NELL2: variants seen among roughly 807,000 people sequenced by gnomAD.
The protein encoded by NELL2 is protein kinase C-binding protein NELL2.
A neutral mutation model predicts 109.6 loss-of-function variants in NELL2; 41 were observed. The observed-to-expected ratio is 0.37, with a 90% confidence interval of 0.29 to 0.49. NELL2 has a LOEUF of 0.49. Among genes scored for constraint, NELL2 ranks in the 20% least tolerant of loss-of-function variants. The pLI, the probability that NELL2 is intolerant of heterozygous loss-of-function variation, is 0.98. For missense variants in NELL2, 900 were observed against 1,008.3 expected (o/e 0.89, Z 1.45); for synonymous variants, 355 against 344.7 (o/e 1.03, Z -0.33).
chr12:44,844,411 T>A (rs1435735867), intron 2 of NELL2, among the ~76,000 whole-genome samples: 2 of 152,186 alleles, frequency 1.3e-5, no homozygotes, highest in African/African-American at 4.8e-5. Flanking sequence ...TCAAAAACAT[T>A]ACGGAGAACA....
chr12:44,757,240 A>C (rs1940929784), intron 9 of NELL2, among the ~76,000 whole-genome samples: 3 of 152,084 alleles, frequency 2.0e-5, no homozygotes, highest in African/African-American at 7.2e-5. Context: ...TCCTACCTCA[A>C]ACTGTAGCCT....
intron 2 of NELL2, among the ~76,000 whole-genome samples, chr12:44,854,808 AG>A (rs1944636614): frequency 6.6e-6 from 1 of 151,926 alleles, no homozygotes; most frequent in Non-Finnish European, 1.5e-5. Context: ...CAAAAAAAAA[AG>A]TTACTTAAAT....
chr12:44,722,186 T>C (rs919006560), intron 9 of NELL2, among the ~76,000 whole-genome samples: 29 of 152,124 alleles, frequency 1.9e-4, no homozygotes, highest in Admixed American at 1.2e-3. Flanking sequence ...AGAAACTTTT[T>C]TTTTTTTGCA....
At chr12:44,771,337 TGG>T (rs1491059174) in intron 9 of NELL2, among the ~76,000 whole-genome samples, 248 of 138,000 alleles carry the variant, frequency 1.8e-3, no homozygotes, top group African/African-American at 6.5e-3. Flanking sequence ...TTATAACAGA[TGG>T]TTTTTTTAAA....
chr12:44,548,791 G>T (rs188663686), intron 15 of NELL2, among the ~76,000 whole-genome samples: 2 of 152,080 alleles, frequency 1.3e-5, no homozygotes, highest in East Asian at 3.9e-4. Context: ...CTTTTAATTG[G>T]CACTATTTTA....
At chr12:44,654,431 T>C (rs901825856) in intron 13 of NELL2, among the ~76,000 whole-genome samples, 2 of 152,218 alleles carry the variant, frequency 1.3e-5, no homozygotes, top group Non-Finnish European at 2.9e-5. Flanking sequence ...AGTCAGTCTC[T>C]AAAATGGTCC....
At chr12:44,891,923 G>C (rs1329574957) in intron 1 of NELL2, among the ~76,000 whole-genome samples, 1 of 152,180 alleles carries the variant, frequency 6.6e-6, no homozygotes, top group African/African-American at 2.4e-5. Flanking sequence ...TTTATCAACT[G>C]TATGAGTAAA....
At chr12:44,631,965 A>T (rs1946473119) in intron 13 of NELL2, among the ~76,000 whole-genome samples, 1 of 152,132 alleles carries the variant, frequency 6.6e-6, no homozygotes, top group African/African-American at 2.4e-5. Flanking sequence ...TATAAAAAGG[A>T]TCATACATCC....
chr12:44,681,814 T>C (rs887507588), intron 12 of NELL2, among the ~76,000 whole-genome samples: 1 of 152,036 alleles, frequency 6.6e-6, no homozygotes, highest in African/African-American at 2.4e-5. Flanking sequence ...ATCCAGTCTA[T>C]CATTGTTGGA....
chr12:44,674,304 A>G (rs1948236755), intron 12 of NELL2, among the ~76,000 whole-genome samples: 1 of 152,192 alleles, frequency 6.6e-6, no homozygotes, highest in Admixed American at 6.5e-5. Context: ...GAGTTCCTAC[A>G]TTGTAAGTGC....
intron 15 of NELL2, among the ~76,000 whole-genome samples, chr12:44,589,190 C>T (rs980636875): frequency 1.3e-5 from 2 of 152,024 alleles, no homozygotes; most frequent in Admixed American, 6.6e-5. Flanking sequence ...TGTTGGCCTG[C>T]CTACTGTTGA....
At position 44,508,982 on chromosome 12, in the gene NELL2, A is replaced by C; in HGVS notation, c.2403T>G (p.Asn801Lys). 1 of 1,612,114 alleles carries C rather than the reference A, an allele frequency of 6.2e-7. No individual in the cohort carries two copies. The highest frequency in any genetic ancestry group is 2.2e-5 in the East Asian group (1 of 44,842). Residue 801 changes from asparagine (N) to lysine (K), a missense_variant and splice_region_variant, in exon 20 of 20, where the codon AAT becomes AAG. Coordinates refer to ENST00000429094, the MANE Select transcript of NELL2 (RefSeq NM_001145108.2). The part of the protein sequence containing the change: ...GTECTLCQCK[N>K]GHICCSVDPQ... The stretch of plus-strand genomic sequence containing the variant: ...GATCCACTGAGCAACAGATGTGGCC[A>C]TTCTAGATTTAAAAAAAGTAGAAAG...
At chr12:44,710,829 A>G (rs965184302) in intron 11 of NELL2, among the ~76,000 whole-genome samples, 28 of 152,132 alleles carry the variant, frequency 1.8e-4, no homozygotes, top group African/African-American at 6.8e-4. Context: ...GTGAGAATTG[A>G]GAGTAGAATC....
chr12:44,710,869 T>G (rs1938158610), intron 11 of NELL2, among the ~76,000 whole-genome samples: 1 of 152,074 alleles, frequency 6.6e-6, no homozygotes. Context: ...GTAGTCATAA[T>G]GAAAAATATT....
intron 3 of NELL2, among the ~76,000 whole-genome samples, chr12:44,796,378 T>C (rs1342525942): frequency 6.6e-6 from 1 of 152,146 alleles, no homozygotes; most frequent in African/African-American, 2.4e-5. Context: ...GTCAACATGA[T>C]TATCTAGTTT....
intron 15 of NELL2, among the ~76,000 whole-genome samples, chr12:44,541,082 G>A (rs1942539264): frequency 6.6e-6 from 1 of 150,952 alleles, no homozygotes; most frequent in Non-Finnish European, 1.5e-5. Context: ...CATCTCTACT[G>A]AAAAAAAGTA....
chr12:44,651,934 C>A (rs112438595), intron 13 of NELL2, among the ~76,000 whole-genome samples: 4 of 152,180 alleles, frequency 2.6e-5, no homozygotes, highest in African/African-American at 7.2e-5. Flanking sequence ...AGTTGAGGTA[C>A]GGCAATGCAG....
At chr12:44,859,874 T>A (rs531599253) in intron 2 of NELL2, among the ~76,000 whole-genome samples, 1 of 152,268 alleles carries the variant, frequency 6.6e-6, no homozygotes, top group South Asian at 2.1e-4. Flanking sequence ...TCCTCTGATA[T>A]CCCTTGTACT....
intron 9 of NELL2, among the ~76,000 whole-genome samples, chr12:44,752,287 T>A (rs1367594253): frequency 6.6e-6 from 1 of 152,232 alleles, no homozygotes; most frequent in Non-Finnish European, 1.5e-5. Context: ...TATTTTCATA[T>A]TCAAAAAGCT....
Sources: gnomAD v4.1 joint callset for allele counts (sites outside exome capture counted in the v4.1 genomes callset) on GRCh38, gnomAD v4.1.1 for gene constraint, MANE v1.5 for transcripts, NCBI Gene and HGNC (gene_info 2026-07-23, HGNC 2026-07-21) for gene names.